GSK3B: variants seen among roughly 807,000 people sequenced by gnomAD.
The protein encoded by GSK3B is glycogen synthase kinase-3 beta.
GSK3B carries 15 observed loss-of-function variants against 56.4 expected under a neutral mutation model. The observed-to-expected ratio is 0.27, with a 90% CI of 0.18 to 0.41. GSK3B has a LOEUF of 0.41. Ranked by LOEUF, GSK3B falls within the 10% of genes least tolerant of loss-of-function variation. The pLI is 1.00. For synonymous variants in GSK3B, 181 were observed against 188.9 expected (o/e 0.96, Z 0.34); for missense variants, 300 against 513.4 (o/e 0.58, Z 4.02).
chr3:120,069,060 A>G (rs2058304929), intron 1 of GSK3B, among the ~76,000 whole-genome samples: 1 of 152,182 alleles, frequency 6.6e-6, no homozygotes, highest in Admixed American at 6.5e-5. Flanking sequence ...GAAAAGAAAA[A>G]AGAAGAAACC....
chr3:119,927,664 T>C (rs2056901031), intron 3 of GSK3B, among the ~76,000 whole-genome samples: 1 of 151,356 alleles, frequency 6.6e-6, no homozygotes, highest in Non-Finnish European at 1.5e-5. Context: ...CAAACAGAGG[T>C]CAAGGCAAAA....
At chr3:120,085,932 A>G (rs976331530) in intron 1 of GSK3B, among the ~76,000 whole-genome samples, 6 of 152,198 alleles carry the variant, frequency 3.9e-5, no homozygotes, top group African/African-American at 1.4e-4. Flanking sequence ...ATATTAGCCA[A>G]TTAAGCCCCT....
chr3:120,077,397 T>C (rs1453902113), intron 1 of GSK3B, among the ~76,000 whole-genome samples: 4 of 152,122 alleles, frequency 2.6e-5, no homozygotes, highest in Non-Finnish European at 5.9e-5. Context: ...AAAAAATATA[T>C]ATCATGATCT....
chr3:119,965,560 A>C (rs6769435), intron 2 of GSK3B, among the ~76,000 whole-genome samples: 42,370 of 151,970 alleles, frequency 0.28, 7,681 homozygotes, highest in African/African-American at 0.52. Context: ...TAATCAAATT[A>C]TAACAATCTT....
chr3:119,869,773 A>G (rs1214416050), intron 8 of GSK3B, among the ~76,000 whole-genome samples: 1 of 152,238 alleles, frequency 6.6e-6, no homozygotes, highest in Admixed American at 6.5e-5. Context: ...CCTATTGTGC[A>G]TAACTTCACT....
chr3:119,958,265 CAT>C (rs1365817223), intron 2 of GSK3B, among the ~76,000 whole-genome samples: 1 of 152,156 alleles, frequency 6.6e-6, no homozygotes, highest in Non-Finnish European at 1.5e-5. Flanking sequence ...ACCAATTAAA[CAT>C]CTTTCCTTTA....
chr3:119,954,704 C>G (rs938672114), intron 2 of GSK3B, among the ~76,000 whole-genome samples: 2 of 152,128 alleles, frequency 1.3e-5, no homozygotes, highest in Non-Finnish European at 2.9e-5. Flanking sequence ...TTAACCAATA[C>G]TCATTAACAT....
At chr3:120,059,578 TACAAAC>T (rs2058219965) in intron 1 of GSK3B, among the ~76,000 whole-genome samples, 1 of 152,170 alleles carries the variant, frequency 6.6e-6, no homozygotes, top group African/African-American at 2.4e-5. Flanking sequence ...GGAATATACT[TACAAAC>T]ACAAAGTCCC....
At position 119,912,687 on chromosome 3, in the gene GSK3B, T is replaced by C. The variant is rs1320817821; in HGVS notation, c.715+17A>G. On this transcript the variant is annotated intron_variant, in intron 6 of 10. Transcript: ENST00000264235. ...GCAATTAATAATTATGAGCATTATA[T>C]TCAGATTTGTACTTACCTATACTAG... 1.9e-6 allele frequency: 2 copies of C among 1,074,464 alleles called. No individual in the cohort carries two copies. Among genetic ancestry groups the C allele is most frequent in the South Asian group, 2.9e-5 (2 of 69,234 alleles). 66.6% of individuals were successfully genotyped at this position (1,074,464 alleles called of 1,614,324 possible).
chr3:120,055,079 G>A (rs953026621), intron 1 of GSK3B, among the ~76,000 whole-genome samples: 2 of 151,824 alleles, frequency 1.3e-5, no homozygotes, highest in East Asian at 1.9e-4. Context: ...ACTTCTTAAC[G>A]ATATCTTGCC....
chr3:119,980,006 T>C (rs2057445012), intron 2 of GSK3B, among the ~76,000 whole-genome samples: 2 of 152,122 alleles, frequency 1.3e-5, no homozygotes, highest in South Asian at 2.1e-4. Flanking sequence ...AAAAACGTTA[T>C]AGCTACTGAA....
At chr3:119,887,859 A>T (rs2056456464) in intron 7 of GSK3B, among the ~76,000 whole-genome samples, 3 of 152,130 alleles carry the variant, frequency 2.0e-5, no homozygotes, top group Non-Finnish European at 4.4e-5. Context: ...AATGCCAGAA[A>T]CACATTATAG....
At chr3:119,972,377 T>C (rs994860809) in intron 2 of GSK3B, among the ~76,000 whole-genome samples, 3 of 152,214 alleles carry the variant, frequency 2.0e-5, no homozygotes, top group African/African-American at 7.2e-5. Context: ...ACAAATTCTA[T>C]AATGAAAAAC....
intron 8 of GSK3B, among the ~76,000 whole-genome samples, chr3:119,871,085 A>C (rs996244538): frequency 6.6e-6 from 1 of 152,244 alleles, no homozygotes; most frequent in African/African-American, 2.4e-5. Context: ...TGAATGGCTC[A>C]GGGGAAAAAC....
chr3:119,973,239 A>G (rs997356864), intron 2 of GSK3B, among the ~76,000 whole-genome samples: 1 of 152,234 alleles, frequency 6.6e-6, no homozygotes, highest in Non-Finnish European at 1.5e-5. Context: ...AGTCAACCAC[A>G]GTTCCAAAAT....
At chr3:119,988,792 C>A (rs1057326383) in intron 2 of GSK3B, among the ~76,000 whole-genome samples, 44 of 152,268 alleles carry the variant, frequency 2.9e-4, no homozygotes, top group African/African-American at 1.0e-3. Flanking sequence ...TCCATCAAAG[C>A]CAATTTAAAA....
chr3:119,980,261 T>C (rs1212181746), intron 2 of GSK3B, among the ~76,000 whole-genome samples: 2 of 152,204 alleles, frequency 1.3e-5, no homozygotes, highest in Non-Finnish European at 2.9e-5. Context: ...ATCAGGCAAA[T>C]TCATACTTTT....
rs541170699 is a variant in GSK3B at position 120,013,138 on chromosome 3, G to C, written c.89-10899C>G. Among the ~76,000 whole-genome samples the C allele has an allele frequency of 2.6e-5, 4 of 152,230 alleles. No individual in the cohort carries two copies. The South Asian group carries it at 8.3e-4, about 32-fold the overall frequency. Reference sequence around the variant, plus strand: ...TGAAGTCTTCTCAAGTCACTCCTCAGACCAATCCACTCCACGATGAATACG... The same window carrying C: ...TGAAGTCTTCTCAAGTCACTCCTCACACCAATCCACTCCACGATGAATACG... On this transcript the variant is annotated intron_variant, in intron 1 of 10. Transcript: ENST00000264235.
At chr3:119,941,743 G>C (rs558704791) in intron 3 of GSK3B, among the ~76,000 whole-genome samples, 6 of 152,258 alleles carry the variant, frequency 3.9e-5, no homozygotes, top group South Asian at 2.1e-4. Context: ...GTACTATAAT[G>C]AGCACGTGAT....
Sources: gnomAD v4.1 joint callset for allele counts (sites outside exome capture counted in the v4.1 genomes callset) on GRCh38, gnomAD v4.1.1 for gene constraint, MANE v1.5 for transcripts, NCBI Gene and HGNC (gene_info 2026-07-23, HGNC 2026-07-21) for gene names.